MTUS2: variants seen among roughly 807,000 people sequenced by gnomAD.
MTUS2 encodes the protein microtubule associated scaffold protein 2.
Under a neutral mutation model 114.1 loss-of-function variants are expected in MTUS2, and 40 were observed. The ratio of observed to expected loss-of-function variants is 0.35; its 90% CI spans 0.27 to 0.46. MTUS2 has a LOEUF of 0.46. Ranked by LOEUF, MTUS2 falls within the 20% of genes least tolerant of loss-of-function variation. The pLI is 1.00. For missense variants in MTUS2, 1,679 were observed against 1,705.4 expected (o/e 0.98, Z 0.27); for synonymous variants, 688 against 672.0 (o/e 1.02, Z -0.37).
intron 8 of MTUS2, among the ~76,000 whole-genome samples, chr13:29,374,930 A>AAAAAAT (rs1871461692): frequency 6.6e-6 from 1 of 151,858 alleles, no homozygotes; most frequent in African/African-American, 2.4e-5. Context: ...CTGTCTCAAA[A>AAAAAAT]AAAATAAAAT....
intron 5 of MTUS2, among the ~76,000 whole-genome samples, chr13:29,196,248 C>T (rs752684212): frequency 6.6e-5 from 10 of 151,986 alleles, no homozygotes; most frequent in Non-Finnish European, 1.3e-4. Flanking sequence ...AGGCACCTGC[C>T]ACCACACCCA....
At chr13:28,883,384 A>T (rs2138146677) in intron 2 of MTUS2, among the ~76,000 whole-genome samples, 1 of 152,366 alleles carries the variant, frequency 6.6e-6, no homozygotes, top group East Asian at 1.9e-4. Flanking sequence ...GAATAGAAAA[A>T]TAATGGAAAC....
At chr13:28,994,944 G>A (rs1285411434) in intron 2 of MTUS2, among the ~76,000 whole-genome samples, 1 of 152,046 alleles carries the variant, frequency 6.6e-6, no homozygotes, top group African/African-American at 2.4e-5. Flanking sequence ...TGTTGCCATT[G>A]CTTTTGGTGT....
intron 2 of MTUS2, among the ~76,000 whole-genome samples, chr13:29,010,686 C>T (rs1379057301): frequency 2.0e-5 from 3 of 152,088 alleles, no homozygotes; most frequent in East Asian, 1.9e-4. Flanking sequence ...CAATCCCTGT[C>T]GACATCAGTG....
chr13:29,310,018 C>T (rs1453038913), intron 6 of MTUS2, among the ~76,000 whole-genome samples: 1 of 152,090 alleles, frequency 6.6e-6, no homozygotes, highest in Non-Finnish European at 1.5e-5. Context: ...CCTATTTATT[C>T]TATCTAACTA....
chr13:29,001,628 G>A (rs74045507), intron 2 of MTUS2, among the ~76,000 whole-genome samples: 2,696 of 152,228 alleles, frequency 0.018, 83 homozygotes, highest in African/African-American at 0.061. Context: ...TTCAACATCT[G>A]TGCTGATGTG....
chr13:28,853,678 G>A (rs1876442440), intron 2 of MTUS2, among the ~76,000 whole-genome samples: 1 of 152,152 alleles, frequency 6.6e-6, no homozygotes. Flanking sequence ...TACAGAAGTG[G>A]CTTAAAAACC....
intron 8 of MTUS2, among the ~76,000 whole-genome samples, chr13:29,382,140 C>T (rs763757076): frequency 6.6e-6 from 1 of 152,136 alleles, no homozygotes; most frequent in Non-Finnish European, 1.5e-5. Context: ...GGTCAGGAAA[C>T]AATATTGCCT....
chr13:29,476,213 T>G (rs1157865004), intron 9 of MTUS2, among the ~76,000 whole-genome samples: 1 of 152,188 alleles, frequency 6.6e-6, no homozygotes, highest in Non-Finnish European at 1.5e-5. Context: ...TAGTAGGCTA[T>G]GCCTACACTC....
At chr13:28,963,135 A>C (rs1384583989) in intron 2 of MTUS2, among the ~76,000 whole-genome samples, 1 of 152,116 alleles carries the variant, frequency 6.6e-6, no homozygotes, top group Admixed American at 6.5e-5. Flanking sequence ...ACGGATCACG[A>C]GGTCAGGAGA....
rs527353456 is a variant in MTUS2 at position 29,407,197 on chromosome 13, G to C, written c.3118-32786G>C. On this transcript the variant is annotated intron_variant, in intron 8 of 15. Transcript: ENST00000612955. The stretch of plus-strand genomic sequence containing the variant: ...AGAGGCAGGGGTTGCAGTGAGCTGA[G>C]GTCGTGCCATGGCACTCCAGCCTGG... Among the ~76,000 whole-genome samples, 48 of 152,262 alleles carry C rather than the reference G, an allele frequency of 3.2e-4. No individual in the cohort carries two copies. In the South Asian group the frequency reaches 9.8e-3, roughly 31 times the overall value.
chr13:29,452,906 T>C (rs1328182477), intron 9 of MTUS2, among the ~76,000 whole-genome samples: 2 of 152,160 alleles, frequency 1.3e-5, no homozygotes, highest in Non-Finnish European at 2.9e-5. Flanking sequence ...ATAAATCTAA[T>C]ATTTAAATAG....
intron 2 of MTUS2, among the ~76,000 whole-genome samples, chr13:28,869,115 A>G (rs1220775599): frequency 6.6e-6 from 1 of 152,226 alleles, no homozygotes. Flanking sequence ...TCTGCACCCC[A>G]TTCACAAAGA....
At chr13:29,000,400 T>C (rs914009777) in intron 2 of MTUS2, among the ~76,000 whole-genome samples, 2 of 152,162 alleles carry the variant, frequency 1.3e-5, no homozygotes, top group Non-Finnish European at 2.9e-5. Flanking sequence ...TTCATTCTTG[T>C]TGCCCAGGCT....
intron 8 of MTUS2, among the ~76,000 whole-genome samples, chr13:29,385,688 G>T (rs553955776): frequency 6.6e-6 from 1 of 152,270 alleles, no homozygotes; most frequent in African/African-American, 2.4e-5. Flanking sequence ...ACAAATGATT[G>T]TCTGGGTAGA....
Position 29,439,957 on chromosome 13 carries a change from C to T in MTUS2, c.3118-26C>T, listed in dbSNP as rs1441762372. 2.6e-6 allele frequency: 4 copies of T among 1,554,656 alleles called. No homozygotes were observed. The South Asian group carries it at 3.5e-5, about 14-fold the overall frequency. The stretch of plus-strand genomic sequence containing the variant: ...TTATCTAGCATAAAACTAGGGGACT[C>T]TCGGTATCCGTTTTTGTTTTTTCAG... On this transcript the variant is annotated intron_variant, in intron 8 of 15. Transcript: ENST00000612955.
Position 29,338,532 on chromosome 13 carries a change from G to T in MTUS2, c.2905+13821G>T, listed in dbSNP as rs530771568. Among the ~76,000 whole-genome samples, 5 of 152,276 alleles carry T rather than the reference G, an allele frequency of 3.3e-5. No homozygotes were observed. In the East Asian group the frequency reaches 9.7e-4, roughly 29 times the overall value. Reference sequence around the variant, plus strand: ...TTGAACCGGGGAGGCGGAGGTTGCAGTGAGCTGAGATAATGCCATTGCACT... The same window carrying T: ...TTGAACCGGGGAGGCGGAGGTTGCATTGAGCTGAGATAATGCCATTGCACT... On this transcript the variant is annotated intron_variant, in intron 7 of 15. Coordinates refer to ENST00000612955, the MANE Select transcript of MTUS2 (RefSeq NM_001033602.4).
rs1886566898 is a variant in MTUS2 at position 29,026,642 on chromosome 13, CAGG to C, written c.1949_1951del (p.Arg650del). On this transcript the variant is annotated inframe_deletion, in exon 3 of 16. Coordinates refer to ENST00000612955, the MANE Select transcript of MTUS2 (RefSeq NM_001033602.4). ...TGAGGCCCAAGATCATCACCTACAT[CAGG>C]AGGAATCCCCAGGCCCTGGGCCAGG... is the stretch of plus-strand genomic sequence containing the variant. 1.2e-6 allele frequency: 2 copies of C among 1,613,890 alleles called. No homozygotes were observed. Among genetic ancestry groups the C allele is most frequent in the East Asian group, 2.2e-5 (1 of 44,884 alleles).
At chr13:29,058,914 C>T (rs1030650056) in intron 4 of MTUS2, among the ~76,000 whole-genome samples, 8 of 152,068 alleles carry the variant, frequency 5.3e-5, no homozygotes, top group African/African-American at 1.9e-4. Flanking sequence ...TTTATCAGTT[C>T]ACTTTGGTTC....
Sources: allele counts gnomAD v4.1 joint callset (sites outside exome capture counted in the v4.1 genomes callset), GRCh38; gene constraint gnomAD v4.1.1; transcripts MANE v1.5; gene names NCBI Gene and HGNC (gene_info 2026-07-23, HGNC 2026-07-21).